The following FAT3 variants were observed in gnomAD, a reference collection of about 807,000 sequenced individuals.
FAT3 encodes FAT atypical cadherin 3.
Under a neutral mutation model 310.2 loss-of-function variants are expected in FAT3, and 95 were observed. That is an observed-to-expected ratio of 0.31 (90% confidence interval 0.26 to 0.36). FAT3 has a LOEUF of 0.36. Among genes scored for constraint, FAT3 ranks in the 10% least tolerant of loss-of-function variants. The probability of loss-of-function intolerance (pLI) is 1.00; values close to 1 mark genes in which losing one functional copy is unlikely to be tolerated. For missense variants in FAT3, 5,408 were observed against 5,715.6 expected (o/e 0.95, Z 1.74); for synonymous variants, 2,314 against 2,192.9 (o/e 1.06, Z -1.54).
intron 1 of FAT3, among the ~76,000 whole-genome samples, chr11:92,252,783 G>T (rs35122254): frequency 0.051 from 7,827 of 152,144 alleles, 273 homozygotes; most frequent in African/African-American, 0.093. Context: ...AAATCCCACT[G>T]ACTTAGGCCA....
chr11:92,770,232 T>C (rs1946424897), intron 6 of FAT3, among the ~76,000 whole-genome samples: 1 of 152,276 alleles, frequency 6.6e-6, no homozygotes, highest in Non-Finnish European at 1.5e-5. Flanking sequence ...AGCACATCTG[T>C]AGAAACTTCA....
At position 92,774,088 on chromosome 11, in the gene FAT3, A is replaced by G. The variant is rs1565583612; in HGVS notation, c.4243A>G (p.Ile1415Val). 3 of 1,613,794 alleles carry G rather than the reference A, an allele frequency of 1.9e-6. No individual in the cohort carries two copies. The highest frequency in any genetic ancestry group is 1.7e-6 in the Non-Finnish European group (2 of 1,179,732). The change falls in exon 7 of 28, where the codon ATT becomes GTT. Residue 1415 changes from isoleucine (I) to valine (V), a missense_variant. Physicochemically the swap from Ile to Val is conservative, Grantham distance 29 (BLOSUM62 3). This residue lies in a region of FAT3 where 4,588 missense variants were observed against 4,809.8 expected (regional missense o/e 0.95). Transcript: ENST00000525166. Reference protein sequence around the residue: ...AFDAEKGVGTIVIAKPLDAEQ... With the variant: ...AFDAEKGVGTVVIAKPLDAEQ... ...TGATGCAGAGAAGGGTGTTGGGACAATTGTCATCGCAAAACCTTTGGATGC... is the reference window on the plus strand; with the variant it reads ...TGATGCAGAGAAGGGTGTTGGGACAGTTGTCATCGCAAAACCTTTGGATGC...
intron 19 of FAT3, among the ~76,000 whole-genome samples, chr11:92,853,293 C>A (rs1285732716): frequency 1.3e-5 from 2 of 152,232 alleles, no homozygotes. Flanking sequence ...GCAGCTGGAC[C>A]AGATGTACCA....
chr11:92,710,123 T>A (rs1004369186), intron 4 of FAT3, among the ~76,000 whole-genome samples: 3 of 152,182 alleles, frequency 2.0e-5, no homozygotes, highest in Non-Finnish European at 2.9e-5. Context: ...GTCAATATTT[T>A]AAAAAATGCA....
intron 2 of FAT3, among the ~76,000 whole-genome samples, chr11:92,510,014 G>T (rs1953240311): frequency 6.6e-6 from 1 of 152,120 alleles, no homozygotes; most frequent in African/African-American, 2.4e-5. Context: ...CTATCTGCTT[G>T]TCTGTTTATC....
intron 4 of FAT3, among the ~76,000 whole-genome samples, chr11:92,712,657 C>G (rs533167366): frequency 1.3e-5 from 2 of 152,294 alleles, no homozygotes; most frequent in South Asian, 4.1e-4. Context: ...GAAAACTAAT[C>G]TCACCTCAAC....
chr11:92,407,789 A>G (rs1385649817), intron 2 of FAT3, among the ~76,000 whole-genome samples: 1 of 152,152 alleles, frequency 6.6e-6, no homozygotes, highest in Non-Finnish European at 1.5e-5. Flanking sequence ...GGTCCTTTAT[A>G]ATAAGAGGAC....
At chr11:92,827,969 C>G (rs976260183) in intron 13 of FAT3, among the ~76,000 whole-genome samples, 31 of 152,104 alleles carry the variant, frequency 2.0e-4, no homozygotes, top group African/African-American at 6.8e-4. Flanking sequence ...CTAAGTATCT[C>G]CATCCTCATT....
intron 3 of FAT3, among the ~76,000 whole-genome samples, chr11:92,638,652 C>T (rs984300819): frequency 2.6e-5 from 4 of 152,174 alleles, no homozygotes; most frequent in African/African-American, 9.7e-5. Flanking sequence ...TGAAGCACGT[C>T]TCATAGGAAA....
chr11:92,230,513 C>T (rs1414421671), intron 1 of FAT3, among the ~76,000 whole-genome samples: 15 of 152,082 alleles, frequency 9.9e-5, no homozygotes, highest in Admixed American at 9.2e-4. Context: ...AGGCTGGTCT[C>T]GAACTCCTGG....
At chr11:92,771,348 T>A (rs1446688030) in intron 6 of FAT3, among the ~76,000 whole-genome samples, 1 of 152,108 alleles carries the variant, frequency 6.6e-6, no homozygotes. Context: ...ACTTTCAGGC[T>A]AAAAGGGAGC....
At chr11:92,300,942 G>A (rs1344003322) in intron 1 of FAT3, among the ~76,000 whole-genome samples, 1 of 152,114 alleles carries the variant, frequency 6.6e-6, no homozygotes, top group Non-Finnish European at 1.5e-5. Flanking sequence ...CTGGTACCTT[G>A]AAGATAATGG....
At position 92,632,235 on chromosome 11, in the gene FAT3, A is replaced by G. The variant is rs1024223460; in HGVS notation, c.3608-65149A>G. Among the ~76,000 whole-genome samples, 5 of 152,256 alleles carry G rather than the reference A, an allele frequency of 3.3e-5. No homozygotes were observed. The South Asian group carries it at 1.0e-3, about 32-fold the overall frequency. The stretch of plus-strand genomic sequence containing the variant: ...CATTCTAGCAAGACCTTGCCTATCC[A>G]TGCTAATGAGGACTAGGCACAGTAT... On this transcript the variant is annotated intron_variant, in intron 3 of 27. Coordinates refer to ENST00000525166, the MANE Select transcript of FAT3 (RefSeq NM_001367949.2).
At chr11:92,411,722 T>G (rs1030546559) in intron 2 of FAT3, among the ~76,000 whole-genome samples, 3 of 151,898 alleles carry the variant, frequency 2.0e-5, no homozygotes, top group Non-Finnish European at 4.4e-5. Flanking sequence ...CCTATTTTAG[T>G]GCCTCCAACT....
chr11:92,798,524 C>A lies in FAT3; in HGVS notation c.5511C>A (p.Ala1837=). Residue 1837 remains alanine (A), a synonymous_variant, in exon 10 of 28, where the codon GCC becomes GCA. Transcript: ENST00000525166. ...DSSTGAIRTI[A]NLDHETIAHF... Reference sequence around the variant, plus strand: ...GTACAGGTGCAATCAGAACAATTGCCAACCTGGACCATGAAACCATTGCCC... The same window carrying A: ...GTACAGGTGCAATCAGAACAATTGCAAACCTGGACCATGAAACCATTGCCC... 1 of 1,613,716 alleles carries A rather than the reference C, an allele frequency of 6.2e-7. No individual in the cohort carries two copies. Among genetic ancestry groups the A allele is most frequent in the Non-Finnish European group, 8.5e-7 (1 of 1,179,794 alleles).
chr11:92,359,438 G>C (rs1948820934), intron 2 of FAT3, among the ~76,000 whole-genome samples: 2 of 151,836 alleles, frequency 1.3e-5, no homozygotes, highest in South Asian at 4.2e-4. Flanking sequence ...GTGTATGCTG[G>C]GATTAGTTGA....
intron 3 of FAT3, among the ~76,000 whole-genome samples, chr11:92,598,574 T>C (rs1939842431): frequency 1.3e-5 from 2 of 152,170 alleles, no homozygotes. Flanking sequence ...AGAGTATGGA[T>C]GCATTTATCC....
chr11:92,431,920 A>G (rs1950790603), intron 2 of FAT3, among the ~76,000 whole-genome samples: 1 of 152,186 alleles, frequency 6.6e-6, no homozygotes, highest in Non-Finnish European at 1.5e-5. Context: ...TATAGTTTGA[A>G]GTCAGGTAGC....
At chr11:92,302,810 G>A (rs922209234) in intron 1 of FAT3, among the ~76,000 whole-genome samples, 7 of 152,086 alleles carry the variant, frequency 4.6e-5, no homozygotes, top group Non-Finnish European at 1.0e-4. Context: ...AGATTTCAAG[G>A]AAGGGAAATA....
Sources: gnomAD v4.1 joint callset for allele counts (sites outside exome capture counted in the v4.1 genomes callset) on GRCh38, gnomAD v4.1.1 for gene constraint, gnomAD v4.1.1 regional missense constraint, MANE v1.5 for transcripts, NCBI Gene and HGNC (gene_info 2026-07-23, HGNC 2026-07-21) for gene names.